KAT8: variants seen among roughly 807,000 people sequenced by gnomAD.
KAT8 encodes histone acetyltransferase KAT8.
Under a neutral mutation model 62.9 loss-of-function variants are expected in KAT8, and 40 were observed. That is an observed-to-expected ratio of 0.64 (90% CI 0.49 to 0.83). The LOEUF (loss-of-function observed/expected upper bound fraction) is 0.83, where lower values mean the gene tolerates loss of function less well. KAT8 is among the 40% of genes least tolerant of loss of function. The pLI is 0.00. For synonymous variants in KAT8, 278 were observed against 254.5 expected, an observed-to-expected ratio of 1.09 and a Z score of -0.88; for missense variants, 387 against 614.8, an observed-to-expected ratio of 0.63 and a Z score of 3.92.
rs779827102 is a variant in KAT8 at position 31,131,302 on chromosome 16, A to C, written c.*43A>C. On this transcript the variant is annotated 3_prime_UTR_variant, in exon 11 of 11. Transcript: ENST00000219797. ...GTCGGACCTGAGCCTCCTGGCTCCC[A>C]GCCTGTAAATATGTATAGACCTGTT... 1.2e-6 allele frequency: 2 copies of C among 1,609,996 alleles called. No homozygotes were observed. The highest frequency in any genetic ancestry group is 2.7e-5 in the African/African-American group (2 of 74,742).
chr16:31,117,703 G>A lies in KAT8; in HGVS notation c.22G>A (p.Ala8Thr), dbSNP rs537015854. Residue 8 changes from alanine (A) to threonine (T), a missense_variant, in exon 1 of 11, where the codon GCG (alanine) becomes ACG (threonine). Transcript: ENST00000219797. Reference protein sequence around the residue: MAAQGAAAAVAAGTSGVA... With the variant: MAAQGAATAVAAGTSGVA... ...CGCGATGGCGGCACAGGGAGCTGCT[G>A]CGGCGGTTGCGGCGGGGACTTCAGG... 1.0e-5 allele frequency: 14 copies of A among 1,398,608 alleles called. No homozygotes were observed. The highest frequency in any genetic ancestry group is 7.6e-5 in the African/African-American group (5 of 65,910). 86.6% of individuals were successfully genotyped at this position (1,398,608 alleles called of 1,614,324 possible). A position where few individuals can be genotyped will look rare whatever the true frequency, so the allele number is the denominator to read the frequency against.
At chr16:31,120,037 T>G in intron 1 of KAT8, 149 bp from the exon 2 acceptor site, 1 of 673,238 alleles carries the variant, frequency 1.5e-6, no homozygotes, top group Non-Finnish European at 2.7e-6. Flanking sequence ...CACCTCACAG[T>G]TGTGGCAGTG....
At chr16:31,130,988 C>G (rs1398743662) in intron 10 of KAT8, 88 bp downstream of exon 10, 2 of 1,542,552 alleles carry the variant, frequency 1.3e-6, no homozygotes, top group Non-Finnish European at 1.8e-6. Flanking sequence ...ATTGCTGTCA[C>G]ATGATCCCAA....
intron 3 of KAT8, chr16:31,126,107 A>G (rs1166548405): frequency 6.6e-6 from 1 of 152,296 alleles, no homozygotes; most frequent in African/African-American, 2.4e-5. Flanking sequence ...ACAAAGCATC[A>G]TGGACTCACC....
intron 6 of KAT8, among the ~76,000 whole-genome samples, chr16:31,128,645 C>T (rs756493209): frequency 1.8e-4 from 28 of 152,184 alleles, no homozygotes; most frequent in Non-Finnish European, 3.4e-4. Context: ...CAAGACTCTT[C>T]TGCTGGTGGG....
rs747121785 is a variant in KAT8, at chr16:31,130,535, C to T, written c.1086C>T (p.Arg362=). 4 of 1,614,184 alleles carry T rather than the reference C, an allele frequency of 2.5e-6. No individual in the cohort carries two copies. Among genetic ancestry groups the T allele is most frequent in the Middle Eastern group, 1.7e-4 (1 of 6,058 alleles). The change falls in exon 9 of 11, where the codon CGC becomes CGT. Residue 362 remains arginine, a synonymous_variant. Transcript: ENST00000219797. ...CTGACCTGGGCAAGCTCAGCTACCG[C>T]AGCTACTGGTCCTGGGTGCTGCTAG... ...PLSDLGKLSY[R]SYWSWVLLEI...
chr16:31,119,769 A>T (rs767022047), intron 1 of KAT8, among the ~76,000 whole-genome samples: 35 of 151,368 alleles, frequency 2.3e-4, no homozygotes, highest in Non-Finnish European at 4.3e-4. Flanking sequence ...CTTGCCTCCC[A>T]GGTTCAAGCA....
intron 1 of KAT8, 144 bp downstream of exon 1, chr16:31,118,036 C>A (rs191354003): frequency 1.6e-6 from 1 of 632,676 alleles, no homozygotes; most frequent in South Asian, 5.2e-5. Flanking sequence ...GAAAGAACGC[C>A]GCGTTCCGGG....
intron 6 of KAT8, among the ~76,000 whole-genome samples, chr16:31,129,801 G>A (rs763548334): frequency 1.2e-4 from 18 of 152,236 alleles, no homozygotes; most frequent in Non-Finnish European, 2.2e-4. Flanking sequence ...AGGGGTGGCC[G>A]GGCTTCATCC....
At chr16:31,126,726 C>T in intron 3 of KAT8, 1 of 361,368 alleles carries the variant, frequency 2.8e-6, no homozygotes, top group Non-Finnish European at 5.1e-6. Context: ...ACAACTTTGG[C>T]AGAGCTGGAT....
At chr16:31,129,570 G>A (rs1336320735) in intron 6 of KAT8, among the ~76,000 whole-genome samples, 3 of 152,196 alleles carry the variant, frequency 2.0e-5, no homozygotes, top group Non-Finnish European at 4.4e-5. Context: ...GTGCAGCCAA[G>A]TGGACAGACA....
At chr16:31,125,432 C>T (rs1464318156) in intron 3 of KAT8, among the ~76,000 whole-genome samples, 1 of 151,878 alleles carries the variant, frequency 6.6e-6, no homozygotes, top group Non-Finnish European at 1.5e-5. Context: ...GGCGAAACTC[C>T]ATTGCTACTA....
chr16:31,128,154 AG>A lies in KAT8; in HGVS notation c.771+19del, dbSNP rs1260821861. On this transcript the variant is annotated intron_variant, in intron 6 of 10. Coordinates refer to ENST00000219797, the MANE Select transcript of KAT8 (RefSeq NM_032188.3). ...AAGACCATAAGGTGAGTGGGTGGCC[AG>A]GGGTTGGGAGAGGCCGGGGAGGCCC... 1.9e-6 allele frequency: 3 copies of A among 1,606,364 alleles called. No individual in the cohort carries two copies. The highest frequency in any genetic ancestry group is 2.6e-6 in the Non-Finnish European group (3 of 1,173,576).
Position 31,130,614 on chromosome 16 carries a change from G to T in KAT8, c.1157+8G>T. The T allele has an allele frequency of 1.2e-6, 2 of 1,613,794 alleles. No individual in the cohort carries two copies. The highest frequency in any genetic ancestry group is 1.7e-6 in the Non-Finnish European group (2 of 1,179,816). On this transcript the variant is annotated splice_region_variant and intron_variant, in intron 9 of 10. Transcript: ENST00000219797. ...GTCCATCAAGGACCTCAGGTGAGGGGGCCTCCCGGGCCCTGGGGGCAGGAC... is the reference window on the plus strand; with the variant it reads ...GTCCATCAAGGACCTCAGGTGAGGGTGCCTCCCGGGCCCTGGGGGCAGGAC...
intron 8 of KAT8, 27 bp from the exon 9 acceptor site, chr16:31,130,429 C>CTA: frequency 6.2e-7 from 1 of 1,614,108 alleles, no homozygotes; most frequent in African/African-American, 1.3e-5. Flanking sequence ...AGGCTGGATC[C>CTA]TAAGTTCCTC....
intron 3 of KAT8, among the ~76,000 whole-genome samples, chr16:31,121,898 C>T (rs574696266): frequency 3.0e-4 from 46 of 152,042 alleles, no homozygotes; most frequent in African/African-American, 8.0e-4. Context: ...ACCATAGGCA[C>T]GTGCCACCAT....
At position 31,127,173 on chromosome 16, in the gene KAT8, C is replaced by A; in HGVS notation, c.517-16C>A. 1 of 1,614,242 alleles carries A rather than the reference C, an allele frequency of 6.2e-7. No individual in the cohort carries two copies. Among genetic ancestry groups the A allele is most frequent in the Non-Finnish European group, 8.5e-7 (1 of 1,180,044 alleles). ...GCTGAGCCGTGCACTGTGCCTCACT[C>A]CCACCCTGCCTGCAGATCACCAAGG... On this transcript the variant is annotated splice_polypyrimidine_tract_variant and intron_variant, in intron 4 of 10. Coordinates refer to ENST00000219797, the MANE Select transcript of KAT8 (RefSeq NM_032188.3).
chr16:31,120,105 CTG>C, intron 1 of KAT8, 79 bp from the exon 2 acceptor site: 1 of 1,199,750 alleles, frequency 8.3e-7, no homozygotes, highest in Non-Finnish European at 1.2e-6. Flanking sequence ...GCCCTGAACT[CTG>C]GAAACTGCTT....
At position 31,128,109 on chromosome 16, in the gene KAT8, C is replaced by T. The variant is rs778663507; in HGVS notation, c.741C>T (p.Ser247=). The T allele has an allele frequency of 1.5e-5, 25 of 1,613,894 alleles. No individual in the cohort carries two copies. Among genetic ancestry groups the T allele is most frequent in the South Asian group, 6.6e-5 (6 of 91,082 alleles). ...AGATCTACCGCAAGAGCAACATCTCCGTGTACGAAGTTGATGGCAAAGACC... is the reference window on the plus strand; with the variant it reads ...AGATCTACCGCAAGAGCAACATCTCTGTGTACGAAGTTGATGGCAAAGACC... ...GKEIYRKSNI[S]VYEVDGKDHK... Residue 247 remains serine (S), a synonymous_variant, in exon 6 of 11, where the codon TCC becomes TCT. Transcript: ENST00000219797.
Sources: allele counts gnomAD v4.1 joint callset (sites outside exome capture counted in the v4.1 genomes callset), GRCh38; gene constraint gnomAD v4.1.1; transcripts MANE v1.5; gene names NCBI Gene and HGNC (gene_info 2026-07-23, HGNC 2026-07-21).